Variants in ADCY9 observed in about 807,000 individuals in gnomAD.
ADCY9 encodes adenylate cyclase 9, also known as adenylate cyclase type 9.
In ADCY9, 50 loss-of-function variants were observed where a neutral mutation model predicts 101.5. The observed-to-expected ratio is 0.49, with a 90% CI of 0.39 to 0.62. ADCY9 has a LOEUF of 0.62. Ranked by LOEUF, ADCY9 falls within the 20% of genes least tolerant of loss-of-function variation. The probability of loss-of-function intolerance (pLI) is 0.00; values close to 1 mark genes in which losing one functional copy is unlikely to be tolerated. For synonymous variants in ADCY9, 905 were observed against 769.3 expected, an observed-to-expected ratio of 1.18 and a Z score of -2.92; for missense variants, 1,662 against 1,800.4, an observed-to-expected ratio of 0.92 and a Z score of 1.39.
At chr16:4,016,989 A>G (rs1478586941) in intron 2 of ADCY9, among the ~76,000 whole-genome samples, 3 of 152,222 alleles carry the variant, frequency 2.0e-5, no homozygotes, top group Non-Finnish European at 4.4e-5. Context: ...ATACGTCAAT[A>G]AAGCTGTTTT....
chr16:4,011,330 C>T (rs1488238875), intron 2 of ADCY9, among the ~76,000 whole-genome samples: 2 of 152,086 alleles, frequency 1.3e-5, no homozygotes, highest in Non-Finnish European at 2.9e-5. Context: ...GTGCAGGGCA[C>T]TGTGTGGGCC....
At chr16:4,053,379 T>C (rs1217080244) in intron 2 of ADCY9, among the ~76,000 whole-genome samples, 3 of 152,224 alleles carry the variant, frequency 2.0e-5, no homozygotes, top group African/African-American at 7.2e-5. Flanking sequence ...AGTCGTTTTT[T>C]CAAATTCAGT....
At chr16:4,003,508 C>T (rs201631000) in intron 3 of ADCY9, among the ~76,000 whole-genome samples, 2 of 150,416 alleles carry the variant, frequency 1.3e-5, no homozygotes, top group Non-Finnish European at 3.0e-5. Flanking sequence ...CACCACCGCA[C>T]TGAAGAGGAA....
rs746100827 is a variant in ADCY9, at chr16:4,114,579, G to C, written c.864C>G (p.His288Gln). ...GGACCCCGATGGCGTGGATGCAGCC[G>C]TGGAGCAGCCCCCTGCTCAGCAGCT... ...HWELLSRGLLHGCIHAIGVHL... is the reference protein window; with the variant it reads ...HWELLSRGLLQGCIHAIGVHL... Residue 288 changes from histidine to glutamine, a missense_variant, in exon 2 of 11, where the codon CAC (histidine) becomes CAG (glutamine). Physicochemically the swap from His to Gln is conservative, Grantham distance 24. Coordinates refer to ENST00000294016, the MANE Select transcript of ADCY9 (RefSeq NM_001116.4). This position sits in a 1 kb window ranked among gnomAD's most constrained non-coding sequence, Gnocchi z 4.3. 5.6e-6 allele frequency: 9 copies of C among 1,613,870 alleles called. No individual in the cohort carries two copies. The highest frequency in any genetic ancestry group is 7.6e-6 in the Non-Finnish European group (9 of 1,180,048).
At chr16:4,047,834 C>T (rs1237496364) in intron 2 of ADCY9, among the ~76,000 whole-genome samples, 3 of 152,240 alleles carry the variant, frequency 2.0e-5, no homozygotes, top group Non-Finnish European at 4.4e-5. Flanking sequence ...GCTGGGATTA[C>T]AGGCGTGAGC....
At chr16:3,988,249 G>A (rs554895183) in intron 6 of ADCY9, among the ~76,000 whole-genome samples, 1 of 152,144 alleles carries the variant, frequency 6.6e-6, no homozygotes, top group East Asian at 1.9e-4. Context: ...GAGAAGTCAA[G>A]TACAAGGGGT....
At chr16:4,088,427 G>A (rs1048537109) in intron 2 of ADCY9, among the ~76,000 whole-genome samples, 1 of 151,992 alleles carries the variant, frequency 6.6e-6, no homozygotes, top group African/African-American at 2.4e-5. Flanking sequence ...GAGTAGTTGG[G>A]ACTACAGGCA....
At chr16:4,053,660 G>T (rs923025394) in intron 2 of ADCY9, among the ~76,000 whole-genome samples, 3 of 132,480 alleles carry the variant, frequency 2.3e-5, no homozygotes, top group African/African-American at 8.8e-5. Flanking sequence ...CTGCCAACCG[G>T]CAAGGTCACA....
At chr16:4,056,387 G>A (rs1303305526) in intron 2 of ADCY9, among the ~76,000 whole-genome samples, 4 of 152,162 alleles carry the variant, frequency 2.6e-5, no homozygotes, top group Admixed American at 2.6e-4. Flanking sequence ...CCAAGTAGCT[G>A]GGACGATAGG....
Position 4,083,020 on chromosome 16 carries a change from G to A in ADCY9, c.1693+30730C>T, listed in dbSNP as rs144564434. ...GCAGCCACTTTGTGCCACAAGGGAAGACATCTCCCACGTGGCAAAGACAGC... is the reference window on the plus strand; with the variant it reads ...GCAGCCACTTTGTGCCACAAGGGAAAACATCTCCCACGTGGCAAAGACAGC... On this transcript the variant is annotated intron_variant, in intron 2 of 10. Coordinates refer to ENST00000294016, the MANE Select transcript of ADCY9 (RefSeq NM_001116.4). Among the ~76,000 whole-genome samples the A allele has an allele frequency of 3.1e-4, 47 of 152,300 alleles. No individual in the cohort carries two copies. In the East Asian group the frequency reaches 7.5e-3, roughly 24 times the overall value.
downstream of ADCY9, among the ~76,000 whole-genome samples, chr16:3,958,541 C>CAA (rs57920543): frequency 1.1e-4 from 11 of 104,144 alleles, no homozygotes; most frequent in African/African-American, 1.4e-4. Flanking sequence ...AACTCCGTCT[C>CAA]AAAAAAAAAA....
chr16:3,987,348 G>C (rs1332012950), intron 6 of ADCY9, among the ~76,000 whole-genome samples: 1 of 152,270 alleles, frequency 6.6e-6, no homozygotes, highest in Non-Finnish European at 1.5e-5. Flanking sequence ...AGGAAGGCAT[G>C]GCAAAGGTGT....
chr16:4,038,674 G>A (rs1481499874), intron 2 of ADCY9, among the ~76,000 whole-genome samples: 2 of 151,976 alleles, frequency 1.3e-5, no homozygotes, highest in East Asian at 3.8e-4. Flanking sequence ...GAGTAGTTGG[G>A]TCTCATCCTC....
intron 2 of ADCY9, among the ~76,000 whole-genome samples, chr16:4,087,039 C>T (rs2056943392): frequency 6.6e-6 from 1 of 152,024 alleles, no homozygotes; most frequent in Non-Finnish European, 1.5e-5. Context: ...TCACCTGAAC[C>T]CTATTCCATT....
At chr16:3,988,621 C>A (rs1313823170) in intron 6 of ADCY9, among the ~76,000 whole-genome samples, 3 of 73,716 alleles carry the variant, frequency 4.1e-5, no homozygotes, top group Non-Finnish European at 5.0e-5. Flanking sequence ...TTTACCAGGG[C>A]AGGTGTGGGG....
intron 3 of ADCY9, among the ~76,000 whole-genome samples, chr16:3,997,216 G>A (rs11076796): frequency 0.078 from 11,915 of 152,204 alleles, 631 homozygotes; most frequent in Admixed American, 0.12. Flanking sequence ...TGCCCCCCAC[G>A]GCACACTGGC....
At chr16:4,005,100 G>A (rs767220910) in intron 3 of ADCY9, among the ~76,000 whole-genome samples, 26 of 151,994 alleles carry the variant, frequency 1.7e-4, no homozygotes, top group Admixed American at 1.2e-3. Flanking sequence ...TATATACCGC[G>A]TCCTCCTCTG....
intron 3 of ADCY9, among the ~76,000 whole-genome samples, chr16:3,996,957 T>A (rs1362340428): frequency 6.6e-6 from 1 of 152,118 alleles, no homozygotes; most frequent in Non-Finnish European, 1.5e-5. Flanking sequence ...CTCCACCTCC[T>A]GGGTTCAAGC....
intron 2 of ADCY9, among the ~76,000 whole-genome samples, chr16:4,039,853 A>G (rs750583129): frequency 1.3e-4 from 20 of 152,202 alleles, no homozygotes; most frequent in African/African-American, 1.4e-4. Context: ...AGCCTGGGTA[A>G]CATAGTGAGA....
Sources: allele counts gnomAD v4.1 joint callset (sites outside exome capture counted in the v4.1 genomes callset), GRCh38; gene constraint gnomAD v4.1.1; non-coding constraint Gnocchi (gnomAD v3.1); transcripts MANE v1.5; gene names NCBI Gene and HGNC (gene_info 2026-07-23, HGNC 2026-07-21).